Variants in OBI1 observed in about 807,000 individuals in gnomAD.
OBI1 encodes ring finger protein 219.
A neutral mutation model predicts 62.4 loss-of-function variants in OBI1; 59 were observed. The observed-to-expected ratio is 0.95, with a 90% CI of 0.77 to 1.17. The LOEUF (loss-of-function observed/expected upper bound fraction) is 1.17. Ranked by LOEUF, OBI1 falls within the 50% of genes most tolerant of loss-of-function variation. OBI1 has a pLI of 0.00. For missense variants in OBI1, 875 were observed against 830.9 expected, an observed-to-expected ratio of 1.05 and a Z score of -0.65; for synonymous variants, 302 against 292.8, an observed-to-expected ratio of 1.03 and a Z score of -0.32.
intron 2 of OBI1, 24 bp downstream of exon 2, chr13:78,644,838 T>C: frequency 6.2e-7 from 1 of 1,607,742 alleles, no homozygotes; most frequent in Non-Finnish European, 8.5e-7. Flanking sequence ...CCTATTCCTA[T>C]GCATATATAA....
intron 5 of OBI1, among the ~76,000 whole-genome samples, chr13:78,625,068 C>T (rs11619893): frequency 0.18 from 27,208 of 152,138 alleles, 3,286 homozygotes; most frequent in East Asian, 0.25. Flanking sequence ...TGCAGAAATG[C>T]CCTCATTTTC....
At chr13:78,620,622 GA>G (rs1875478965) in intron 5 of OBI1, 1 of 452,010 alleles carries the variant, frequency 2.2e-6, no homozygotes, top group Non-Finnish European at 4.4e-6. Context: ...GGATGAGAGA[GA>G]AAAGGATGCC....
chr13:78,634,193 T>G (rs1297250346), intron 5 of OBI1, among the ~76,000 whole-genome samples: 1 of 151,706 alleles, frequency 6.6e-6, no homozygotes, highest in African/African-American at 2.4e-5. Context: ...CAGCAAAAAA[T>G]TCAATGAACA....
intron 5 of OBI1, among the ~76,000 whole-genome samples, chr13:78,629,426 C>CTA (rs1456380175): frequency 1.3e-5 from 2 of 152,054 alleles, no homozygotes; most frequent in East Asian, 3.9e-4. Flanking sequence ...ACCTGCTCTA[C>CTA]TAAATCCTCA....
intron 4 of OBI1, among the ~76,000 whole-genome samples, chr13:78,636,951 G>A (rs1338400443): frequency 6.6e-6 from 1 of 152,114 alleles, no homozygotes. Context: ...CTCATTATAG[G>A]CTGGCTAGTT....
intron 5 of OBI1, among the ~76,000 whole-genome samples, chr13:78,627,543 T>A (rs1875712730): frequency 6.6e-6 from 1 of 152,206 alleles, no homozygotes; most frequent in Non-Finnish European, 1.5e-5. Flanking sequence ...TTTCTGTTCC[T>A]GTGCTAGTTT....
At chr13:78,648,851 T>C (rs1326825303) in intron 1 of OBI1, among the ~76,000 whole-genome samples, 1 of 149,806 alleles carries the variant, frequency 6.7e-6, no homozygotes. Context: ...AGGCAGAGGT[T>C]GCGGCGAGCT....
At position 78,616,814 on chromosome 13, in the gene OBI1, G is replaced by A. The variant is rs752184420; in HGVS notation, c.947C>T (p.Ser316Phe). ...ACTGGTGTCACACAGTCTGCTGCTG[G>A]AAGGCTTCGCTAGGTGAGAAGAACT... ...TSSSSHLAKP[S>F]SSRLCDTSSA... The change falls in exon 6 of 6, where the codon TCC becomes TTC. Residue 316 changes from serine (S) to phenylalanine (F), a missense_variant. Ser to Phe is a radical substitution (Grantham distance 155). Transcript: ENST00000282003. 5.0e-6 allele frequency: 8 copies of A among 1,614,194 alleles called. No individual in the cohort carries two copies. The Admixed American group carries it at 1.3e-4, about 27-fold the overall frequency.
Position 78,615,784 on chromosome 13 carries a change from T to C in OBI1, c.1977A>G (p.Ser659=). 8 of 1,613,898 alleles carry C rather than the reference T, an allele frequency of 5.0e-6. No homozygotes were observed. The highest frequency in any genetic ancestry group is 6.8e-6 in the Non-Finnish European group (8 of 1,179,960). ...ATCTTTGATCTTCAAATAGTCGATG[T>C]GAACTGCTTAACAAAATGCCCTGGG... The part of the protein sequence containing the change: ...EFSQGILLSS[S]HRLFEDQRFG... The change falls in exon 6 of 6, where the codon TCA becomes TCG. Residue 659 remains serine, a synonymous_variant. Transcript: ENST00000282003.
At chr13:78,645,538 T>C (rs1292779545) in intron 1 of OBI1, among the ~76,000 whole-genome samples, 2 of 152,196 alleles carry the variant, frequency 1.3e-5, no homozygotes, top group East Asian at 3.8e-4. Flanking sequence ...CACTCTCAAG[T>C]AGTTTATAAT....
In OBI1 at chr13:78,635,011, T is replaced by A. The variant is rs78779563; in HGVS notation, c.638+99A>T. Reference sequence around the variant, plus strand: ...GCAAGACATTCTACCTAAATCTACATGATTAAATGAAGAGTCAAACAAAAA... The same window carrying A: ...GCAAGACATTCTACCTAAATCTACAAGATTAAATGAAGAGTCAAACAAAAA... On this transcript the variant is annotated intron_variant, in intron 5 of 5. Transcript: ENST00000282003. The A allele has an allele frequency of 2.5e-3, 1,632 of 650,844 alleles. 14 individuals are homozygous for A. The Middle Eastern group carries it at 0.034, about 13-fold the overall frequency. 40.3% of individuals were successfully genotyped at this position (650,844 alleles called of 1,614,324 possible). A position where few individuals can be genotyped will look rare whatever the true frequency, so the allele number is the denominator to read the frequency against.
chr13:78,644,177 C>A (rs1241597967), intron 2 of OBI1, among the ~76,000 whole-genome samples: 1 of 152,202 alleles, frequency 6.6e-6, no homozygotes, highest in African/African-American at 2.4e-5. Context: ...CTCCTATAGT[C>A]CAACCTATGT....
At chr13:78,635,278 ATT>A (rs1430519625) in intron 4 of OBI1, 80 bp from the exon 5 acceptor site, 4 of 821,724 alleles carry the variant, frequency 4.9e-6, no homozygotes, top group Non-Finnish European at 8.1e-6. Context: ...AGCCATCCGT[ATT>A]TTTTAGAGTG....
At position 78,616,105 on chromosome 13, in the gene OBI1, C is replaced by G. The variant is rs773181890; in HGVS notation, c.1656G>C (p.Lys552Asn). 11 of 1,614,138 alleles carry G rather than the reference C, an allele frequency of 6.8e-6. No homozygotes were observed. Among genetic ancestry groups the G allele is most frequent in the Non-Finnish European group, 9.3e-6 (11 of 1,180,018 alleles). ...ACTTAAAACCGTTATTACAAGGGCT[C>G]TTGCTGTTGTCTGACTCTGACATCA... ...DSMMSESDNSKSPCNNGFKSL... is the reference protein window; with the variant it reads ...DSMMSESDNSNSPCNNGFKSL... Residue 552 changes from lysine (K) to asparagine (N), a missense_variant, in exon 6 of 6, where the codon AAG becomes AAC. Coordinates refer to ENST00000282003, the MANE Select transcript of OBI1 (RefSeq NM_024546.4).
chr13:78,637,554 G>A (rs754821416), intron 4 of OBI1, among the ~76,000 whole-genome samples: 2 of 152,180 alleles, frequency 1.3e-5, no homozygotes, highest in Non-Finnish European at 2.9e-5. Context: ...CTACAAAGGA[G>A]ATCATATAGT....
chr13:78,618,878 G>A (rs1875415876), intron 5 of OBI1, among the ~76,000 whole-genome samples: 4 of 152,154 alleles, frequency 2.6e-5, no homozygotes, highest in African/African-American at 7.2e-5. Context: ...TTGTAGTTCT[G>A]CAAGAGAACT....
At position 78,615,073 on chromosome 13, in the gene OBI1, A is replaced by G. The variant is rs1190373648; in HGVS notation, c.*507T>C. The G allele has an allele frequency of 6.6e-6, 1 of 152,284 alleles. No homozygotes were observed. Among genetic ancestry groups the G allele is most frequent in the African/African-American group, 2.4e-5 (1 of 41,450 alleles). 9.4% of individuals were successfully genotyped at this position (152,284 alleles called of 1,614,324 possible). A position where few individuals can be genotyped will look rare whatever the true frequency, so the allele number is the denominator to read the frequency against. On this transcript the variant is annotated 3_prime_UTR_variant, in exon 6 of 6. Transcript: ENST00000282003. ...AACTAGGCCATCACTAAACATAAAT[A>G]AAAAGGGACAGGTAAAATAATTTCC...
At chr13:78,620,227 C>T (rs1875464177) in intron 5 of OBI1, among the ~76,000 whole-genome samples, 2 of 152,298 alleles carry the variant, frequency 1.3e-5, no homozygotes, top group African/African-American at 4.8e-5. Flanking sequence ...GTATCTGATG[C>T]TATACTTCCA....
chr13:78,626,534 A>G (rs1490032838), intron 5 of OBI1, among the ~76,000 whole-genome samples: 1 of 152,202 alleles, frequency 6.6e-6, no homozygotes, highest in African/African-American at 2.4e-5. Context: ...TAGGAAAATT[A>G]GGGAGGGCCT....
Sources: allele counts gnomAD v4.1 joint callset (sites outside exome capture counted in the v4.1 genomes callset), GRCh38; gene constraint gnomAD v4.1.1; transcripts MANE v1.5; gene names NCBI Gene and HGNC (gene_info 2026-07-23, HGNC 2026-07-21).